The following NBPF11 variants were observed in gnomAD, a reference collection of about 807,000 sequenced individuals.
NBPF11 encodes NBPF member 11.
A neutral mutation model predicts 93.9 loss-of-function variants in NBPF11; 72 were observed. The observed-to-expected ratio is 0.77, with a 90% CI of 0.63 to 0.93. The LOEUF is 0.93. NBPF11 is among the 40% of genes least tolerant of loss of function. The pLI is 0.00. For synonymous variants in NBPF11, 224 were observed against 304.9 expected, an observed-to-expected ratio of 0.73 and a Z score of 2.76; for missense variants, 705 against 802.2, an observed-to-expected ratio of 0.88 and a Z score of 1.46.
chr1:148,151,511 C>T (rs1648320039), intron 1 of NBPF11, among the ~76,000 whole-genome samples: 1 of 152,068 alleles, frequency 6.6e-6, no homozygotes, highest in Admixed American at 6.5e-5. Flanking sequence ...AGAACACCTG[C>T]CAGGGAGTTT....
intron 11 of NBPF11, among the ~76,000 whole-genome samples, 167 bp from the exon 12 acceptor site, chr1:148,117,953 T>C (rs1455286584): frequency 1.3e-5 from 2 of 149,802 alleles, no homozygotes; most frequent in Admixed American, 1.3e-4. Flanking sequence ...AGAAAATGGT[T>C]TACAGGCTTC....
At chr1:148,132,212 T>TAC (rs1417076360) in intron 4 of NBPF11, among the ~76,000 whole-genome samples, 18 of 86,000 alleles carry the variant, frequency 2.1e-4, no homozygotes, top group African/African-American at 7.7e-4. Context: ...TATATATATA[T>TAC]ATACACACAC....
chr1:148,119,945 T>C (rs1192082102), intron 10 of NBPF11, among the ~76,000 whole-genome samples: 4 of 127,218 alleles, frequency 3.1e-5, no homozygotes, highest in African/African-American at 1.1e-4. Flanking sequence ...TGAGCCACCA[T>C]GCACGGCCCC....
chr1:148,104,282 T>C (rs1310590508), intron 23 of NBPF11, among the ~76,000 whole-genome samples: 1 of 145,110 alleles, frequency 6.9e-6, no homozygotes, highest in Non-Finnish European at 1.5e-5. Flanking sequence ...TTCCATAAAA[T>C]ATGCTCAAAA....
intron 15 of NBPF11, 24 bp from the exon 16 acceptor site, chr1:148,110,565 A>T: frequency 1.3e-6 from 2 of 1,482,132 alleles, no homozygotes; most frequent in Non-Finnish European, 1.9e-6. Context: ...CAGGACAGGG[A>T]TGATAGAAGA....
In NBPF11 at chr1:148,103,888, C is replaced by G; in HGVS notation, c.*8G>C. ...AGTCCTGTAAGACTTCAGGCACTTCCACTTCCATCAGCACGCTGCTGAGCC... is the reference window on the plus strand; with the variant it reads ...AGTCCTGTAAGACTTCAGGCACTTCGACTTCCATCAGCACGCTGCTGAGCC... On this transcript the variant is annotated 3_prime_UTR_variant, in exon 24 of 24. Coordinates refer to ENST00000682118, the MANE Select transcript of NBPF11 (RefSeq NM_001385469.3). The G allele has an allele frequency of 6.2e-7, 1 of 1,611,074 alleles. No homozygotes were observed. Among genetic ancestry groups the G allele is most frequent in the South Asian group, 1.1e-5 (1 of 90,974 alleles).
At position 148,145,512 on chromosome 1, in the gene NBPF11, G is replaced by T. The variant is rs1239833181; in HGVS notation, c.-548-1826C>A. ...GGCATGAGCCACCGCACCTGGCCAG[G>T]CATTGATTTCTTAAACAGGACACAA... On this transcript the variant is annotated intron_variant, in intron 1 of 23. Coordinates refer to ENST00000682118, the MANE Select transcript of NBPF11 (RefSeq NM_001385469.3). 3.7e-3 allele frequency among the ~76,000 whole-genome samples: 551 copies of T among 147,738 alleles called. 8 individuals carry two copies. Among genetic ancestry groups the T allele is most frequent in the African/African-American group, 0.012 (494 of 39,636 alleles).
At chr1:148,146,519 A>G in intron 1 of NBPF11, 17 of 1,603,330 alleles carry the variant, frequency 1.1e-5, no homozygotes, top group Non-Finnish European at 1.4e-5. Context: ...CCTGAGCCCG[A>G]GCTGGGGCCT....
In NBPF11 at chr1:148,146,173, G is replaced by A. The variant is rs1355569327; in HGVS notation, c.-548-2487C>T. ...GGCCGGGGTGGGCTTCCCACGGCAC[G>A]ACATGGAGACCTGTGGTTGCGAGGC... On this transcript the variant is annotated intron_variant, in intron 1 of 23. Transcript: ENST00000682118. 5.3e-4 allele frequency among the ~76,000 whole-genome samples: 81 copies of A among 151,750 alleles called. 2 individuals are homozygous for A. The highest frequency in any genetic ancestry group is 1.8e-3 in the Admixed American group (28 of 15,270).
In NBPF11 at chr1:148,150,885, G is replaced by T. The variant is rs1553882663; in HGVS notation, c.-549+865C>A. Among the ~76,000 whole-genome samples, 80 of 151,728 alleles carry T rather than the reference G, an allele frequency of 5.3e-4. 1 individual carries two copies. The highest frequency in any genetic ancestry group is 1.1e-3 in the Non-Finnish European group (72 of 68,006). On this transcript the variant is annotated intron_variant, in intron 1 of 23. Transcript: ENST00000682118. ...TGGGACTACAGGCACCTGCCACCAT[G>T]CCCGGCTAATTTTTTGTATTTTCAG...
rs1647515837 is a variant in NBPF11 at position 148,149,048 on chromosome 1, G to T, written c.-549+2702C>A. On this transcript the variant is annotated intron_variant, in intron 1 of 23. Transcript: ENST00000682118. ...AGCCTGAGCCTGACCCACTGACTTG[G>T]CTGAGTGGGGAGACTGGAGGGTCGC... 21 of 824,264 alleles carry T rather than the reference G, an allele frequency of 2.5e-5. No individual in the cohort carries two copies. In the South Asian group the frequency reaches 3.4e-4, roughly 13 times the overall value. 51.1% of individuals were successfully genotyped at this position (824,264 alleles called of 1,614,324 possible).
At position 148,122,758 on chromosome 1, in the gene NBPF11, A is replaced by T; in HGVS notation, c.537T>A (p.Asp179Glu). 3.7e-6 allele frequency: 6 copies of T among 1,609,214 alleles called. No individual in the cohort carries two copies. The highest frequency in any genetic ancestry group is 5.1e-6 in the Non-Finnish European group (6 of 1,176,842). The change falls in exon 8 of 24, where the codon GAT (aspartate) becomes GAA (glutamate). Residue 179 changes from aspartate to glutamate, a missense_variant. Asp to Glu is a conservative substitution (Grantham distance 45). Coordinates refer to ENST00000682118, the MANE Select transcript of NBPF11 (RefSeq NM_001385469.3). ...DEDEDVQVEE[D>E]EKVLESSAPR... ...GGGCAGATGATTCCAGTACTTTCTCATCCTCCTCAACTTGAACATCTTCAT... is the reference window on the plus strand; with the variant it reads ...GGGCAGATGATTCCAGTACTTTCTCTTCCTCCTCAACTTGAACATCTTCAT...
rs1417037933 is a variant in NBPF11 at position 148,121,295 on chromosome 1, T to C, written c.779-585A>G. 4.0e-5 allele frequency among the ~76,000 whole-genome samples: 6 copies of C among 151,564 alleles called. No individual in the cohort carries two copies. The South Asian group carries it at 6.2e-4, about 16-fold the overall frequency. On this transcript the variant is annotated intron_variant, in intron 9 of 23. Coordinates refer to ENST00000682118, the MANE Select transcript of NBPF11 (RefSeq NM_001385469.3). ...CTGAGCTCAGGTGTTCCGCCCACCT[T>C]GGCCTCTCAAAGTGCTGGGATTAAG...
chr1:148,149,301 G>A (rs1400231382), intron 1 of NBPF11: 8 of 1,596,540 alleles, frequency 5.0e-6, no homozygotes, highest in South Asian at 4.4e-5. Flanking sequence ...GTCGCCTTCC[G>A]CGACACCAAG....
intron 1 of NBPF11, among the ~76,000 whole-genome samples, chr1:148,144,826 T>G (rs1288224459): frequency 5.3e-5 from 8 of 151,556 alleles, no homozygotes; most frequent in African/African-American, 7.3e-5. Flanking sequence ...AAAAATTAGC[T>G]GGGCATGGTG....
chr1:148,127,847 G>A (rs1669481176), intron 4 of NBPF11, among the ~76,000 whole-genome samples: 4 of 151,110 alleles, frequency 2.6e-5, no homozygotes, highest in Non-Finnish European at 1.5e-5. Flanking sequence ...TAGTAGAGAC[G>A]GGGTTTCACT....
chr1:148,139,461 G>C (rs1671857379), intron 2 of NBPF11, among the ~76,000 whole-genome samples: 1 of 149,212 alleles, frequency 6.7e-6, no homozygotes, highest in Non-Finnish European at 1.5e-5. Context: ...CAGGGATTAG[G>C]AAATGACTAC....
At position 148,103,971 on chromosome 1, in the gene NBPF11, C is replaced by T. The variant is rs1297950246; in HGVS notation, c.2582-59G>A. Reference sequence around the variant, plus strand: ...GGGAAAATCAGACACCACAGAGCCCCACTAGATTTCAGAAGTAACATAAGG... The same window carrying T: ...GGGAAAATCAGACACCACAGAGCCCTACTAGATTTCAGAAGTAACATAAGG... On this transcript the variant is annotated intron_variant, in intron 23 of 23. Coordinates refer to ENST00000682118, the MANE Select transcript of NBPF11 (RefSeq NM_001385469.3). 2.5e-3 allele frequency: 3,958 copies of T among 1,609,492 alleles called. 152 individuals carry two copies. In the African/African-American group the frequency reaches 0.048, roughly 19 times the overall value.
intron 15 of NBPF11, among the ~76,000 whole-genome samples, chr1:148,113,177 A>G (rs1665715173): frequency 6.6e-6 from 1 of 152,058 alleles, no homozygotes; most frequent in African/African-American, 2.4e-5. Context: ...AGAATGGCAA[A>G]TTGGATAAAG....
Sources: gnomAD v4.1 joint callset for allele counts (sites outside exome capture counted in the v4.1 genomes callset) on GRCh38, gnomAD v4.1.1 for gene constraint, MANE v1.5 for transcripts, NCBI Gene and HGNC (gene_info 2026-07-23, HGNC 2026-07-21) for gene names.